Variants in VPS13D observed in about 807,000 individuals in gnomAD.
VPS13D encodes vacuolar protein sorting 13 homolog D, also known as intermembrane lipid transfer protein VPS13D.
A neutral mutation model predicts 461.9 loss-of-function variants in VPS13D; 187 were observed. That is an observed-to-expected ratio of 0.40 (90% confidence interval 0.36 to 0.46). The LOEUF is 0.46. Ranked by LOEUF, VPS13D falls within the 20% of genes least tolerant of loss-of-function variation. The probability of loss-of-function intolerance (pLI) is 0.60; values close to 1 mark genes in which losing one functional copy is unlikely to be tolerated. For synonymous variants in VPS13D, 1,951 were observed against 1,986.3 expected (o/e 0.98, Z 0.47); for missense variants, 4,711 against 5,364.9 (o/e 0.88, Z 3.81).
At chr1:12,282,127 G>A (rs112986146) in intron 20 of VPS13D, among the ~76,000 whole-genome samples, 10,378 of 152,180 alleles carry the variant, frequency 0.068, 580 homozygotes, top group Admixed American at 0.14. Flanking sequence ...GGCTCACACA[G>A]TCTGCCTGCC....
intron 64 of VPS13D, among the ~76,000 whole-genome samples, chr1:12,415,728 A>G (rs1216134848): frequency 6.6e-6 from 1 of 152,232 alleles, no homozygotes; most frequent in Non-Finnish European, 1.5e-5. Context: ...ATCAAATTTA[A>G]TAGCTTTCAA....
At chr1:12,394,045 G>C (rs1469373525) in intron 60 of VPS13D, among the ~76,000 whole-genome samples, 2 of 152,164 alleles carry the variant, frequency 1.3e-5, no homozygotes, top group South Asian at 4.1e-4. Context: ...CCTTTCCCCA[G>C]TGCACAGTTA....
At chr1:12,284,699 C>T (rs1346035837) in intron 21 of VPS13D, among the ~76,000 whole-genome samples, 2 of 152,214 alleles carry the variant, frequency 1.3e-5, no homozygotes, top group Non-Finnish European at 2.9e-5. Context: ...CTTGCACTTC[C>T]TGCTGGGGAG....
At chr1:12,484,276 G>A (rs141182851) in intron 67 of VPS13D, among the ~76,000 whole-genome samples, 145 of 152,198 alleles carry the variant, frequency 9.5e-4, no homozygotes, top group African/African-American at 3.3e-3. Flanking sequence ...CCACCCCAGC[G>A]CTCCCACTTA....
chr1:12,313,386 C>A (rs1168527903), intron 29 of VPS13D, among the ~76,000 whole-genome samples: 1 of 148,026 alleles, frequency 6.8e-6, no homozygotes, highest in East Asian at 2.0e-4. Context: ...CGGCTCACTG[C>A]AACCTCCACA....
chr1:12,456,154 T>C, intron 66 of VPS13D, 24 bp downstream of exon 66: 1 of 1,589,292 alleles, frequency 6.3e-7, no homozygotes, highest in Non-Finnish European at 8.5e-7. Flanking sequence ...GACATCAGGC[T>C]CTGCTGCTGC....
chr1:12,300,320 G>A (rs938426812), intron 25 of VPS13D, among the ~76,000 whole-genome samples: 6 of 146,576 alleles, frequency 4.1e-5, no homozygotes, highest in South Asian at 2.2e-4. Context: ...CAATTCTCCC[G>A]CCTCAGCCTC....
chr1:12,388,141 T>C (rs1644373367), intron 60 of VPS13D, among the ~76,000 whole-genome samples: 1 of 152,102 alleles, frequency 6.6e-6, no homozygotes, highest in African/African-American at 2.4e-5. Flanking sequence ...AGGGGAGAAA[T>C]GGAAGTCTAT....
In VPS13D at chr1:12,277,652, T is replaced by C. The variant is rs760773369; in HGVS notation, c.4064T>C (p.Leu1355Ser). The C allele has an allele frequency of 1.9e-6, 3 of 1,614,108 alleles. No homozygotes were observed. Among genetic ancestry groups the C allele is most frequent in the Non-Finnish European group, 2.5e-6 (3 of 1,180,006 alleles). The change falls in exon 19 of 70, where the codon TTA (leucine) becomes TCA (serine). Residue 1355 changes from leucine to serine, a missense_variant. By Grantham distance (145) the Leu-to-Ser change is moderately radical. This residue lies in a region of VPS13D where 4,411 missense variants were observed against 4,937.8 expected (regional missense o/e 0.89). Coordinates refer to ENST00000620676, the MANE Select transcript of VPS13D (RefSeq NM_015378.4). ...AGGAAGACTCGGGAACCCTTTATCTTAGAGGAAAATGAAATATATGGGTTT... is the reference window on the plus strand; with the variant it reads ...AGGAAGACTCGGGAACCCTTTATCTCAGAGGAAAATGAAATATATGGGTTT... The part of the protein sequence containing the change: ...TPRKTREPFI[L>S]EENEIYGFDL...
At chr1:12,330,421 A>G (rs1190096823) in intron 37 of VPS13D, among the ~76,000 whole-genome samples, 5 of 152,056 alleles carry the variant, frequency 3.3e-5, no homozygotes, top group Non-Finnish European at 7.4e-5. Context: ...TCTCAAAAAA[A>G]ATTTAAAAAG....
chr1:12,467,074 C>T (rs1213960394), intron 67 of VPS13D, among the ~76,000 whole-genome samples: 1 of 152,230 alleles, frequency 6.6e-6, no homozygotes, highest in East Asian at 1.9e-4. Flanking sequence ...CCTCCCTCTA[C>T]GTGAGCAACC....
chr1:12,374,110 T>C (rs17037991), intron 55 of VPS13D, among the ~76,000 whole-genome samples: 2,954 of 152,300 alleles, frequency 0.019, 114 homozygotes, highest in Admixed American at 0.1. Context: ...GTGGAATTAC[T>C]AAGGGCTGGG....
intron 50 of VPS13D, among the ~76,000 whole-genome samples, chr1:12,359,911 G>T (rs1643925220): frequency 6.6e-6 from 1 of 152,186 alleles, no homozygotes; most frequent in Admixed American, 6.5e-5. Context: ...TTGGCTTTCT[G>T]CTGGAGTGTT....
At chr1:12,506,827 T>A (rs747594077) in intron 68 of VPS13D, 26 bp from the exon 69 acceptor site, 9 of 1,608,510 alleles carry the variant, frequency 5.6e-6, no homozygotes, top group Non-Finnish European at 7.7e-6. Context: ...CAGGTGTCAC[T>A]CCTGTGTTCC....
chr1:12,388,158 A>G (rs1388095839), intron 60 of VPS13D, among the ~76,000 whole-genome samples: 1 of 152,368 alleles, frequency 6.6e-6, no homozygotes, highest in East Asian at 1.9e-4. Context: ...CTATTAGTGT[A>G]ATCTTATACA....
intron 67 of VPS13D, among the ~76,000 whole-genome samples, chr1:12,494,040 A>T (rs576378980): frequency 6.6e-6 from 1 of 152,304 alleles, no homozygotes; most frequent in Admixed American, 6.5e-5. Flanking sequence ...GTAACAGAAG[A>T]TGTTTCCTTT....
At chr1:12,489,538 A>G (rs1489708287) in intron 67 of VPS13D, among the ~76,000 whole-genome samples, 4 of 152,202 alleles carry the variant, frequency 2.6e-5, no homozygotes, top group Non-Finnish European at 4.4e-5. Flanking sequence ...GGGAGAGGTA[A>G]GTAGAATGTT....
At position 12,362,028 on chromosome 1, in the gene VPS13D, A is replaced by G. The variant is rs373344638; in HGVS notation, c.10142-692A>G. 2.8e-4 allele frequency among the ~76,000 whole-genome samples: 42 copies of G among 152,070 alleles called. No individual in the cohort carries two copies. In the East Asian group the frequency reaches 8.0e-3, roughly 29 times the overall value. ...CAGGTGCGTGCCACCATGCCCAGCTAATTTTTGTATTTTTAGTAGAGATGG... is the reference window on the plus strand; with the variant it reads ...CAGGTGCGTGCCACCATGCCCAGCTGATTTTTGTATTTTTAGTAGAGATGG... On this transcript the variant is annotated intron_variant, in intron 50 of 69. Coordinates refer to ENST00000620676, the MANE Select transcript of VPS13D (RefSeq NM_015378.4).
At chr1:12,403,776 T>C (rs1644611625) in intron 62 of VPS13D, 49 bp from the exon 63 acceptor site, 2 of 1,514,034 alleles carry the variant, frequency 1.3e-6, no homozygotes, top group Non-Finnish European at 1.8e-6. Context: ...CTGTGGATCA[T>C]GAGACTAAGA....
Sources: allele counts gnomAD v4.1 joint callset (sites outside exome capture counted in the v4.1 genomes callset), GRCh38; gene constraint gnomAD v4.1.1; regional missense constraint gnomAD v4.1.1; transcripts MANE v1.5; gene names NCBI Gene and HGNC (gene_info 2026-07-23, HGNC 2026-07-21).